PFKFB3: variants seen among roughly 807,000 people sequenced by gnomAD.
The protein encoded by PFKFB3 is 6-phosphofructo-2-kinase/fructose-2,6-biphosphatase 3.
Under a neutral mutation model 68.0 loss-of-function variants are expected in PFKFB3, and 33 were observed. The observed-to-expected ratio is 0.49, with a 90% CI of 0.37 to 0.65. The LOEUF (loss-of-function observed/expected upper bound fraction) is 0.65, where lower values mean the gene tolerates loss of function less well. PFKFB3 is among the 30% of genes least tolerant of loss of function. The pLI is 0.00. For synonymous variants in PFKFB3, 315 were observed against 288.2 expected (o/e 1.09, Z -0.94); for missense variants, 586 against 712.2 (o/e 0.82, Z 2.02).
At chr10:6,161,739 C>A (rs1841982647) in intron 1 of PFKFB3, among the ~76,000 whole-genome samples, 2 of 152,008 alleles carry the variant, frequency 1.3e-5, no homozygotes. Flanking sequence ...CTCAAGCGAT[C>A]CTCCCACCTC....
intron 1 of PFKFB3, among the ~76,000 whole-genome samples, chr10:6,176,407 T>C (rs1365620575): frequency 6.6e-6 from 1 of 152,176 alleles, no homozygotes; most frequent in Non-Finnish European, 1.5e-5. Context: ...ACTTCTCATT[T>C]ACCTGTTTAA....
At chr10:6,170,791 G>A (rs1477725450) in intron 1 of PFKFB3, among the ~76,000 whole-genome samples, 5 of 151,848 alleles carry the variant, frequency 3.3e-5, no homozygotes, top group African/African-American at 1.2e-4. Flanking sequence ...AGCTAGGTTT[G>A]GCTGGGTGAC....
At position 6,150,203 on chromosome 10, in the gene PFKFB3, C is replaced by G. The variant is rs147732363; in HGVS notation, c.16+5190C>G. ...GCTTTCTGCATGGTAACTTGGAGAG[C>G]TATTTGAGTTACGGTCTATACCTCA... On this transcript the variant is annotated intron_variant, in intron 1 of 14. Coordinates refer to the PFKFB3 transcript ENST00000379789. Among the ~76,000 whole-genome samples the G allele has an allele frequency of 4.6e-5, 7 of 152,322 alleles. No individual in the cohort carries two copies. In the East Asian group the frequency reaches 1.3e-3, roughly 29 times the overall value.
At chr10:6,277,868 C>G in the PFKFB3 span, 1 of 211,958 alleles carries the variant, frequency 4.7e-6, no homozygotes, top group East Asian at 1.6e-4. Flanking sequence ...TAGTGGACTT[C>G]TTCATTCAGA....
At chr10:6,221,265 G>A in intron 8 of PFKFB3, 116 bp from the exon 9 acceptor site, 2 of 1,287,654 alleles carry the variant, frequency 1.6e-6, no homozygotes, top group Non-Finnish European at 1.1e-6. Flanking sequence ...GTGGCCTGGG[G>A]CCCCCACGGT....
chr10:6,157,516 G>A lies in PFKFB3; in HGVS notation c.16+12503G>A, dbSNP rs565770090. Among the ~76,000 whole-genome samples the A allele has an allele frequency of 1.0e-3, 156 of 152,282 alleles. No homozygotes were observed. In the South Asian group the frequency reaches 0.016, roughly 16 times the overall value. On this transcript the variant is annotated intron_variant, in intron 1 of 14. Transcript: ENST00000379789. Reference sequence around the variant, plus strand: ...GCTGGGATTACAGGCATGAGCCACGGCGCCCAGCCAATAGTTGTGTCTTTG... The same window carrying A: ...GCTGGGATTACAGGCATGAGCCACGACGCCCAGCCAATAGTTGTGTCTTTG...
At chr10:6,164,432 C>T (rs1842068303) in intron 1 of PFKFB3, among the ~76,000 whole-genome samples, 1 of 152,196 alleles carries the variant, frequency 6.6e-6, no homozygotes, top group African/African-American at 2.4e-5. Flanking sequence ...TTAACCCAGA[C>T]ATGGCAGGAC....
At chr10:6,239,690 T>C (rs1010213486), downstream of PFKFB3, among the ~76,000 whole-genome samples, 1 of 152,194 alleles carries the variant, frequency 6.6e-6, no homozygotes, top group Non-Finnish European at 1.5e-5. Context: ...ATATTTTTTT[T>C]TGAGAGAGGG....
chr10:6,216,511 G>A (rs1844597516), intron 4 of PFKFB3, among the ~76,000 whole-genome samples, 195 bp from the exon 5 acceptor site: 1 of 152,008 alleles, frequency 6.6e-6, no homozygotes, highest in South Asian at 2.1e-4. Flanking sequence ...TACCACCCCT[G>A]AGTGCTGTTG....
In PFKFB3 at chr10:6,233,110, C is replaced by T. The variant is rs370060304; in HGVS notation, c.*168C>T. ...ATGCTTGGCACCGTCTGTGTCCCCT[C>T]GGCCGCTGGACACCAGAAAGCCACG... On this transcript the variant is annotated 3_prime_UTR_variant, in exon 15 of 15. Transcript: ENST00000379775. The T allele has an allele frequency of 8.4e-4, 514 of 613,632 alleles. 9 individuals are homozygous for T. The South Asian group carries it at 8.8e-3, about 10-fold the overall frequency. The allele number at this position is 613,632 out of a possible 1,614,324, so 38.0% of individuals were successfully genotyped here. A position where few individuals can be genotyped will look rare whatever the true frequency, so the allele number is the denominator to read the frequency against.
In PFKFB3 at chr10:6,202,963, C is replaced by T. The variant is rs954304036; in HGVS notation, c.-298C>T. On this transcript the variant is annotated 5_prime_UTR_variant, in exon 1 of 15. Transcript: ENST00000379775. ...GCCGGAGAGGAGGCGAGCAGCAGGG[C>T]CTGGTGGCGAGAGCGCGGCTGTCAC... The T allele has an allele frequency of 5.5e-6, 7 of 1,282,494 alleles. No individual in the cohort carries two copies. The highest frequency in any genetic ancestry group is 3.0e-4 in the Middle Eastern group (1 of 3,314). The allele number at this position is 1,282,494 out of a possible 1,614,324, so 79.4% of individuals were successfully genotyped here.
At chr10:6,151,116 C>G (rs1841565138) in intron 1 of PFKFB3, among the ~76,000 whole-genome samples, 1 of 152,142 alleles carries the variant, frequency 6.6e-6, no homozygotes, top group Non-Finnish European at 1.5e-5. Flanking sequence ...GAGACGGACA[C>G]AGGGAGGGAG....
intron 1 of PFKFB3, among the ~76,000 whole-genome samples, chr10:6,168,877 C>A (rs1282174173): frequency 1.3e-5 from 2 of 152,208 alleles, no homozygotes; most frequent in South Asian, 4.1e-4. Context: ...ATCCATCTGC[C>A]CAGACAACCT....
chr10:6,227,941 G>A (rs1240911939), intron 14 of PFKFB3, among the ~76,000 whole-genome samples: 3 of 152,146 alleles, frequency 2.0e-5, no homozygotes, highest in Non-Finnish European at 4.4e-5. Context: ...ATGCTTGGGG[G>A]GACCAGGCTG....
At chr10:6,316,935 A>C in the PFKFB3 span, among the ~76,000 whole-genome samples, 1 of 152,150 alleles carries the variant, frequency 6.6e-6, no homozygotes, top group African/African-American at 2.4e-5. Flanking sequence ...ATGACTCCCC[A>C]GTCCACTTTT....
chr10:6,178,865 T>C (rs1842617250), intron 1 of PFKFB3, among the ~76,000 whole-genome samples: 1 of 152,134 alleles, frequency 6.6e-6, no homozygotes, highest in South Asian at 2.1e-4. Flanking sequence ...AGCGCACTGG[T>C]CCCTACCTTG....
chr10:6,178,616 G>A (rs1421471704), intron 1 of PFKFB3, among the ~76,000 whole-genome samples: 1 of 152,194 alleles, frequency 6.6e-6, no homozygotes, highest in Non-Finnish European at 1.5e-5. Context: ...CCCTCCCTCG[G>A]TGCCTGCCCT....
intron 14 of PFKFB3, among the ~76,000 whole-genome samples, chr10:6,226,756 A>G (rs1845387538): frequency 6.6e-6 from 1 of 152,230 alleles, no homozygotes; most frequent in African/African-American, 2.4e-5. Context: ...ACTTTCTCAC[A>G]TAAATAACAT....
At chr10:6,231,550 A>G (rs1162143159) in intron 14 of PFKFB3, 1 of 985,224 alleles carries the variant, frequency 1.0e-6, no homozygotes, top group Non-Finnish European at 1.2e-6. Context: ...CTCCACTGTT[A>G]TTGTTGCATC....
Sources: allele counts gnomAD v4.1 joint callset (sites outside exome capture counted in the v4.1 genomes callset), GRCh38; gene constraint gnomAD v4.1.1; transcripts MANE v1.5; gene names NCBI Gene and HGNC (gene_info 2026-07-23, HGNC 2026-07-21).